TNNT2: variants seen among roughly 807,000 people sequenced by gnomAD.
TNNT2 encodes troponin T2, cardiac type.
A neutral mutation model predicts 62.4 loss-of-function variants in TNNT2; 34 were observed. The ratio of observed to expected loss-of-function variants is 0.54; its 90% confidence interval spans 0.41 to 0.72. The LOEUF is 0.72. TNNT2 is among the 30% of genes least tolerant of loss of function. The pLI is 0.00. For synonymous variants in TNNT2, 123 were observed against 127.2 expected (o/e 0.97, Z 0.22); for missense variants, 275 against 381.9 (o/e 0.72, Z 2.33).
At position 201,367,774 on chromosome 1, in the gene TNNT2, C is replaced by T; in HGVS notation, c.196G>A (p.Glu66Lys). 10 of 1,614,224 alleles carry T rather than the reference C, an allele frequency of 6.2e-6. No homozygotes were observed. Among genetic ancestry groups the T allele is most frequent in the Non-Finnish European group, 8.5e-6 (10 of 1,180,044 alleles). ...ACCTCTCTCCTGATATCCTTACCTTCAGCCTCCTTTGCTTCCTCTTCTTCT... is the reference window on the plus strand; with the variant it reads ...ACCTCTCTCCTGATATCCTTACCTTTAGCCTCCTTTGCTTCCTCTTCTTCT... Reference protein sequence around the residue: ...DEEEEEAKEAEDGPMEESKPK... With the variant: ...DEEEEEAKEAKDGPMEESKPK... Residue 66 changes from glutamate to lysine, a missense_variant, in exon 7 of 17, where the codon GAA becomes AAA. Transcript: ENST00000656932.
intron 5 of TNNT2, 44 bp downstream of exon 5, chr1:201,369,772 A>T (rs1660332889): frequency 1.2e-6 from 2 of 1,613,142 alleles, no homozygotes; most frequent in Non-Finnish European, 1.7e-6. Flanking sequence ...TGCACTTGGG[A>T]CAGCAGGCAG....
chr1:201,362,610 G>C (rs1276758323), intron 12 of TNNT2, among the ~76,000 whole-genome samples: 1 of 152,194 alleles, frequency 6.6e-6, no homozygotes, highest in Non-Finnish European at 1.5e-5. Context: ...GTCTTGGCTG[G>C]TGTGGTCACC....
At chr1:201,376,934 C>G (rs148305580) in intron 1 of TNNT2, among the ~76,000 whole-genome samples, 68 of 152,324 alleles carry the variant, frequency 4.5e-4, no homozygotes, top group African/African-American at 1.3e-3. Flanking sequence ...CCATCTGCCC[C>G]CCAAGTGCAG....
chr1:201,367,007 C>T (rs754328740), intron 7 of TNNT2, 136 bp from the exon 8 acceptor site: 1 of 1,453,682 alleles, frequency 6.9e-7, no homozygotes, highest in East Asian at 2.4e-5. Context: ...ACTGGGGAGC[C>T]CTGATTCCAG....
At chr1:201,371,979 T>C (rs1050983520) in intron 4 of TNNT2, 48 bp downstream of exon 4, 14 of 1,613,428 alleles carry the variant, frequency 8.7e-6, no homozygotes, top group African/African-American at 1.3e-5. Context: ...GATTTCCACA[T>C]TGCTGAGCCT....
rs750707289 is a variant in TNNT2 at position 201,372,127 on chromosome 1, A to ACACAC, written c.52+13_52+17dup. 4 of 1,614,022 alleles carry ACACAC rather than the reference A, an allele frequency of 2.5e-6. No homozygotes were observed. The highest frequency in any genetic ancestry group is 3.4e-6 in the Non-Finnish European group (4 of 1,180,032). ...CAGGCTGTCTTTGATCCAAATGAGT[A>ACACAC]CACACGTTTACGCTTACCTTCCTGC... On this transcript the variant is annotated intron_variant, in intron 3 of 16. Coordinates refer to ENST00000656932, the MANE Select transcript of TNNT2 (RefSeq NM_001276345.2).
At chr1:201,367,694 C>T (rs1053527953) in intron 7 of TNNT2, 77 bp downstream of exon 7, 4 of 1,492,978 alleles carry the variant, frequency 2.7e-6, no homozygotes, top group Non-Finnish European at 3.7e-6. Context: ...CTGGAAAGAG[C>T]ACTGTGGGCA....
intron 12 of TNNT2, 83 bp from the exon 13 acceptor site, chr1:201,362,477 A>C (rs980281589): frequency 1.3e-6 from 2 of 1,530,544 alleles, no homozygotes; most frequent in Admixed American, 1.8e-5. Context: ...CAGGAAGACA[A>C]AGGCAAGGAG....
chr1:201,359,779 G>A, intron 15 of TNNT2, 116 bp from the exon 16 acceptor site: 1 of 880,014 alleles, frequency 1.1e-6, no homozygotes, highest in East Asian at 2.6e-5. Flanking sequence ...GGAGAAGGAG[G>A]AGCATGGAAG....
chr1:201,361,455 A>G lies in TNNT2; in HGVS notation c.720-86T>C, dbSNP rs2275861. On this transcript the variant is annotated intron_variant, in intron 14 of 16. Transcript: ENST00000656932. ...TCCTGGTCCCGGCCCAGCCCCCAGC[A>G]TCCCAGCCCTCCTTCCCACCTCCAG... The G allele has an allele frequency of 0.12, 146,485 of 1,270,152 alleles. 10,080 individuals carry two copies. The highest frequency in any genetic ancestry group is 0.25 in the African/African-American group (17,360 of 68,384). The allele number at this position is 1,270,152 out of a possible 1,614,324, so 78.7% of individuals were successfully genotyped here.
rs184482362 is a variant in TNNT2, at chr1:201,372,117, C to G, written c.52+28G>C. 9 of 1,614,108 alleles carry G rather than the reference C, an allele frequency of 5.6e-6. No homozygotes were observed. The Admixed American group carries it at 1.0e-4, about 18-fold the overall frequency. On this transcript the variant is annotated intron_variant, in intron 3 of 16. Coordinates refer to ENST00000656932, the MANE Select transcript of TNNT2 (RefSeq NM_001276345.2). Reference sequence around the variant, plus strand: ...AGTTTCGAACCAGGCTGTCTTTGATCCAAATGAGTACACACGTTTACGCTT... The same window carrying G: ...AGTTTCGAACCAGGCTGTCTTTGATGCAAATGAGTACACACGTTTACGCTT...
At chr1:201,367,073 A>G in intron 7 of TNNT2, 2 of 767,140 alleles carry the variant, frequency 2.6e-6, no homozygotes, top group South Asian at 3.1e-5. Context: ...TCCCCCTCCC[A>G]TAGAGTTCTG....
intron 4 of TNNT2, 145 bp from the exon 5 acceptor site, chr1:201,369,990 G>A: frequency 1.2e-6 from 1 of 863,474 alleles, no homozygotes; most frequent in Non-Finnish European, 1.9e-6. Flanking sequence ...CAATTCCCAA[G>A]CCACTACTTT....
chr1:201,367,647 C>T, intron 7 of TNNT2, 124 bp downstream of exon 7: 1 of 1,121,462 alleles, frequency 8.9e-7, no homozygotes, highest in Non-Finnish European at 1.4e-6. Flanking sequence ...GTTCTGTCCT[C>T]TCCTCTCCCA....
In TNNT2 at chr1:201,367,785, G is replaced by T. The variant is rs1659920547; in HGVS notation, c.185C>A (p.Ala62Glu). The T allele has an allele frequency of 1.9e-6, 3 of 1,614,052 alleles. No homozygotes were observed. The highest frequency in any genetic ancestry group is 2.5e-6 in the Non-Finnish European group (3 of 1,180,028). ...GATATCCTTACCTTCAGCCTCCTTT[G>T]CTTCCTCTTCTTCTTCATCTTCTAA... ...RAEEDEEEEE[A>E]KEAEDGPMEE... Residue 62 changes from alanine (A) to glutamate (E), a missense_variant, in exon 7 of 17, where the codon GCA (alanine) becomes GAA (glutamate). Ala to Glu is a moderately radical substitution (Grantham distance 107). Coordinates refer to ENST00000656932, the MANE Select transcript of TNNT2 (RefSeq NM_001276345.2).
At chr1:201,364,264 G>A (rs1014546016) in intron 11 of TNNT2, 34 bp downstream of exon 11, 3 of 1,601,606 alleles carry the variant, frequency 1.9e-6, no homozygotes, top group Admixed American at 3.4e-5. Context: ...GGAGCATGGG[G>A]GGCCTCCATG....
At chr1:201,363,586 G>T in intron 11 of TNNT2, 180 bp from the exon 12 acceptor site, 1 of 618,284 alleles carries the variant, frequency 1.6e-6, no homozygotes, top group Non-Finnish European at 2.9e-6. Context: ...ACTGAGAAAT[G>T]ACTGCGTGAT....
At chr1:201,365,728 G>A (rs1229905165) in intron 8 of TNNT2, 58 bp from the exon 9 acceptor site, 4 of 1,599,684 alleles carry the variant, frequency 2.5e-6, no homozygotes, top group Non-Finnish European at 3.4e-6. Context: ...GACTGAGGGT[G>A]TCCAGGACAG....
Position 201,362,542 on chromosome 1 carries a change from C to G in TNNT2, c.601-148G>C, listed in dbSNP as rs878890040. 4.9e-6 allele frequency: 5 copies of G among 1,025,700 alleles called. No homozygotes were observed. In the African/African-American group the frequency reaches 8.1e-5, roughly 17 times the overall value. 63.5% of individuals were successfully genotyped at this position (1,025,700 alleles called of 1,614,324 possible). On this transcript the variant is annotated intron_variant, in intron 12 of 16. Transcript: ENST00000656932. ...CTGTAGTCAGCCGGGTTTACTAGGA[C>G]GTGGGTCTGAGGGTTACAGCAGGGG... is the stretch of plus-strand genomic sequence containing the variant.
Sources: allele counts gnomAD v4.1 joint callset (sites outside exome capture counted in the v4.1 genomes callset), GRCh38; gene constraint gnomAD v4.1.1; transcripts MANE v1.5; gene names NCBI Gene and HGNC (gene_info 2026-07-23, HGNC 2026-07-21).